Variants in MX2 observed in about 807,000 individuals in gnomAD.
The protein encoded by MX2 is MX dynamin like GTPase 2.
MX2 carries 51 observed loss-of-function variants against 74.0 expected under a neutral mutation model. That is an observed-to-expected ratio of 0.69 (90% CI 0.55 to 0.87). MX2 has a LOEUF of 0.87. MX2 is among the 40% of genes least tolerant of loss of function. The probability of loss-of-function intolerance (pLI) is 0.00; values close to 1 mark genes in which losing one functional copy is unlikely to be tolerated. For synonymous variants in MX2, 369 were observed against 339.3 expected (o/e 1.09, Z -0.96); for missense variants, 832 against 908.7 (o/e 0.92, Z 1.09).
At position 41,402,777 on chromosome 21, in the gene MX2, G is replaced by A. The variant is rs1022237880; in HGVS notation, c.1574-490G>A. 3 of 168,000 alleles carry A rather than the reference G, an allele frequency of 1.8e-5. No individual in the cohort carries two copies. The highest frequency in any genetic ancestry group is 3.9e-5 in the Non-Finnish European group (3 of 76,970). 10.4% of individuals were successfully genotyped at this position (168,000 alleles called of 1,614,324 possible). A position where few individuals can be genotyped will look rare whatever the true frequency, so the allele number is the denominator to read the frequency against. On this transcript the variant is annotated intron_variant, in intron 11 of 13. Transcript: ENST00000330714. The surrounding 1 kb of genome is among the most constrained non-coding windows in gnomAD (Gnocchi z 4.5). ...CAACTAGACTGTCCCATCTAGCGGT[G>A]ATGGGAGACAGTGACAGATCGTCAG...
rs565427071 is a variant in MX2 at position 41,371,803 on chromosome 21, G to C, written c.-71-5033G>C. 7.7e-4 allele frequency among the ~76,000 whole-genome samples: 117 copies of C among 152,220 alleles called. 1 individual carries two copies. The highest frequency in any genetic ancestry group is 1.3e-3 in the Non-Finnish European group (88 of 68,010). ...GTGTGGCAAGCGGGGTGTCTGCCAG[G>C]CCCAGGAGCCCCGGCTGTCACCAGT... On this transcript the variant is annotated intron_variant, in intron 1 of 13. Transcript: ENST00000330714.
At chr21:41,407,755 T>A (rs1048273490) in intron 13 of MX2, among the ~76,000 whole-genome samples, 5 of 152,130 alleles carry the variant, frequency 3.3e-5, no homozygotes, top group Admixed American at 3.3e-4. Flanking sequence ...GATATGGGCT[T>A]GCTAGCCTAC....
intron 12 of MX2, chr21:41,403,761 G>A (rs992024908): frequency 3.3e-5 from 14 of 424,266 alleles, no homozygotes; most frequent in Admixed American, 2.0e-4. Flanking sequence ...CTCTTCCCCC[G>A]AGTTACCTTC....
rs1168102175 is a variant in MX2 at position 41,380,364 on chromosome 21, C to T, written c.577+213C>T. On this transcript the variant is annotated intron_variant, in intron 4 of 13. Coordinates refer to ENST00000330714, the MANE Select transcript of MX2 (RefSeq NM_002463.2). This position sits in a 1 kb window ranked among gnomAD's most constrained non-coding sequence, Gnocchi z 4.3. ...CATCGAGTCATCCCATGCCGAGGAC[C>T]CTCTGGTGGCTTCCCTTAGCAGCCT... Among the ~76,000 whole-genome samples the T allele has an allele frequency of 6.6e-6, 1 of 152,110 alleles. No individual in the cohort carries two copies. Among genetic ancestry groups the T allele is most frequent in the Non-Finnish European group, 1.5e-5 (1 of 68,020 alleles).
chr21:41,400,303 A>G (rs1237917494), intron 10 of MX2, among the ~76,000 whole-genome samples: 1 of 152,188 alleles, frequency 6.6e-6, no homozygotes, highest in African/African-American at 2.4e-5. Flanking sequence ...AGTAAAGACT[A>G]GATGAAGTAG....
At chr21:41,406,599 A>G in intron 12 of MX2, 145 bp from the exon 13 acceptor site, 1 of 907,060 alleles carries the variant, frequency 1.1e-6, no homozygotes, top group Non-Finnish European at 1.6e-6. Flanking sequence ...GGGACTTTCT[A>G]AAAATCATCA....
intron 1 of MX2, among the ~76,000 whole-genome samples, chr21:41,372,051 G>A (rs926299509): frequency 1.3e-5 from 2 of 152,238 alleles, no homozygotes; most frequent in Non-Finnish European, 2.9e-5. Flanking sequence ...CTCCAGGACA[G>A]TAAGTCTATA....
chr21:41,399,453 A>G, intron 10 of MX2, 116 bp downstream of exon 10: 3 of 1,149,520 alleles, frequency 2.6e-6, no homozygotes, highest in Non-Finnish European at 3.7e-6. Context: ...AGACCGTGGA[A>G]CCCTTGGTAA....
Position 41,377,986 on chromosome 21 carries a change from G to A in MX2, c.442+5G>A. The A allele has an allele frequency of 6.2e-7, 1 of 1,610,296 alleles. No individual in the cohort carries two copies. Among genetic ancestry groups the A allele is most frequent in the Non-Finnish European group, 8.5e-7 (1 of 1,176,900 alleles). On this transcript the variant is annotated splice_donor_5th_base_variant and intron_variant, in intron 3 of 13. Transcript: ENST00000330714. ...TCGCGCTTCCCAGAGGCAGCGGTAA[G>A]TTCAACGGACCACCTTCCCTCCGCA...
At chr21:41,400,020 A>G (rs2089790249) in intron 10 of MX2, among the ~76,000 whole-genome samples, 1 of 152,222 alleles carries the variant, frequency 6.6e-6, no homozygotes, top group Non-Finnish European at 1.5e-5. Flanking sequence ...CCAGCCCCAC[A>G]TGAAGGCTCT....
chr21:41,392,488 G>A (rs1307356597), intron 6 of MX2, among the ~76,000 whole-genome samples: 1 of 152,176 alleles, frequency 6.6e-6, no homozygotes, highest in African/African-American at 2.4e-5. Flanking sequence ...AAAGTAGAAT[G>A]GTGGTTGCCC....
intron 8 of MX2, 135 bp downstream of exon 8, chr21:41,397,826 A>G (rs1252722124): frequency 1.4e-5 from 9 of 663,152 alleles, no homozygotes; most frequent in Non-Finnish European, 2.3e-5. Context: ...TGTCTCACTC[A>G]CTGTCACAGG....
In MX2 at chr21:41,408,294, T is replaced by C; in HGVS notation, c.*61T>C. On this transcript the variant is annotated 3_prime_UTR_variant, in exon 14 of 14. Transcript: ENST00000330714. ...ACTCATTCATTCTAAGGGGAGTCGG[T>C]GCAGGATGCCGCTTCTGCTTTGGGG... is the stretch of plus-strand genomic sequence containing the variant. 1 of 1,585,534 alleles carries C rather than the reference T, an allele frequency of 6.3e-7. No individual in the cohort carries two copies. Among genetic ancestry groups the C allele is most frequent in the Non-Finnish European group, 8.6e-7 (1 of 1,165,956 alleles).
chr21:41,397,126 C>G (rs913166142), intron 7 of MX2, among the ~76,000 whole-genome samples: 1 of 152,212 alleles, frequency 6.6e-6, no homozygotes, highest in Non-Finnish European at 1.5e-5. Flanking sequence ...GGCAAACATG[C>G]TGCAGCCACG....
intron 1 of MX2, 39 bp from the exon 2 acceptor site, chr21:41,376,797 G>A (rs1052291348): frequency 4.6e-6 from 7 of 1,511,154 alleles, no homozygotes; most frequent in Non-Finnish European, 5.4e-6. Flanking sequence ...GAGGACTTCT[G>A]GTGACCTGTG....
At position 41,368,946 on chromosome 21, in the gene MX2, C is replaced by T. The variant is rs928350337; in HGVS notation, c.-72+6891C>T. 1.3e-5 allele frequency among the ~76,000 whole-genome samples: 2 copies of T among 152,136 alleles called. No homozygotes were observed. The highest frequency in any genetic ancestry group is 2.9e-5 in the Non-Finnish European group (2 of 67,992). On this transcript the variant is annotated intron_variant, in intron 1 of 13. Transcript: ENST00000330714. The surrounding 1 kb of genome is among the most constrained non-coding windows in gnomAD (Gnocchi z 4.6). ...GTGAGGCCACCTGAGATCTCACTTG[C>T]TAGGGTGGGTGCCACCAGGCCCACC...
In MX2 at chr21:41,395,736, G is replaced by A. The variant is rs1223276038; in HGVS notation, c.1021G>A (p.Glu341Lys). 1 of 1,614,086 alleles carries A rather than the reference G, an allele frequency of 6.2e-7. No individual in the cohort carries two copies. The highest frequency in any genetic ancestry group is 8.5e-7 in the Non-Finnish European group (1 of 1,180,028). ...GATCACAAACAGGCTGAGCTTGGCA[G>A]AGGCAACCAAGAAAGAAATTACATT... is the stretch of plus-strand genomic sequence containing the variant. ...QEITNRLSLA[E>K]ATKKEITFFQ... Residue 341 changes from glutamate to lysine, a missense_variant, in exon 7 of 14, where the codon GAG (glutamate) becomes AAG (lysine). Transcript: ENST00000330714.
rs756612520 is a variant in MX2, at chr21:41,408,051, G to A, written c.1966G>A (p.Glu656Lys). Reference protein sequence around the residue: ...PFIIQYFMLRENGDSLQKAMM... With the variant: ...PFIIQYFMLRKNGDSLQKAMM... ...TATAATTCAGTATTTTATGCTCCGA[G>A]AGAATGGTGACTCCTTGCAGAAAGC... Residue 656 changes from glutamate to lysine, a missense_variant, in exon 14 of 14, where the codon GAG (glutamate) becomes AAG (lysine). Transcript: ENST00000330714. 2.5e-6 allele frequency: 4 copies of A among 1,614,190 alleles called. 1 individual carries two copies. The highest frequency in any genetic ancestry group is 3.4e-6 in the Non-Finnish European group (4 of 1,180,040).
chr21:41,399,376 AT>A, intron 10 of MX2, 39 bp downstream of exon 10: 1 of 1,600,944 alleles, frequency 6.2e-7, no homozygotes. Flanking sequence ...ACAGGGTGGT[AT>A]TTACCCAGAC....
Sources: gnomAD v4.1 joint callset for allele counts (sites outside exome capture counted in the v4.1 genomes callset) on GRCh38, gnomAD v4.1.1 for gene constraint, Gnocchi (gnomAD v3.1) non-coding constraint, MANE v1.5 for transcripts, NCBI Gene and HGNC (gene_info 2026-07-23, HGNC 2026-07-21) for gene names.